The following LRMDA variants were observed in gnomAD, a reference collection of about 807,000 sequenced individuals.
The protein encoded by LRMDA is leucine rich melanocyte differentiation associated, also known as leucine-rich melanocyte differentiation-associated protein.
In LRMDA, 18 loss-of-function variants were observed where a neutral mutation model predicts 29.8. The observed-to-expected ratio is 0.60, with a 90% confidence interval of 0.42 to 0.90. The LOEUF (loss-of-function observed/expected upper bound fraction) is 0.90, where lower values mean the gene tolerates loss of function less well. Among genes scored for constraint, LRMDA ranks in the 40% least tolerant of loss-of-function variants. The probability of loss-of-function intolerance (pLI) is 0.00; values close to 1 mark genes in which losing one functional copy is unlikely to be tolerated. For missense variants in LRMDA, 273 were observed against 273.9 expected, an observed-to-expected ratio of 1.00 and a Z score of 0.02; for synonymous variants, 125 against 109.4, an observed-to-expected ratio of 1.14 and a Z score of -0.89.
At chr10:75,731,576 A>G (rs1842697521) in intron 2 of LRMDA, among the ~76,000 whole-genome samples, 1 of 152,228 alleles carries the variant, frequency 6.6e-6, no homozygotes, top group Non-Finnish European at 1.5e-5. Context: ...TAGTGTTGGC[A>G]AAACCTTGAA....
chr10:76,446,747 T>C (rs1589191073), intron 6 of LRMDA, among the ~76,000 whole-genome samples: 1 of 152,192 alleles, frequency 6.6e-6, no homozygotes, highest in South Asian at 2.1e-4. Context: ...AGGTTGGAGC[T>C]GCCACGTTGC....
intron 5 of LRMDA, among the ~76,000 whole-genome samples, chr10:76,064,552 A>T (rs1217225321): frequency 6.6e-6 from 1 of 152,112 alleles, no homozygotes; most frequent in Non-Finnish European, 1.5e-5. Context: ...GCTACACTTA[A>T]TTGTTTTTTA....
At chr10:75,535,380 CTTAT>C (rs72512546) in intron 2 of LRMDA, among the ~76,000 whole-genome samples, 2,858 of 152,010 alleles carry the variant, frequency 0.019, 89 homozygotes, top group African/African-American at 0.065. Context: ...TTACTTACTT[CTTAT>C]TTATTTATTT....
At chr10:75,468,996 C>T (rs1286453179) in intron 2 of LRMDA, among the ~76,000 whole-genome samples, 1 of 152,048 alleles carries the variant, frequency 6.6e-6, no homozygotes, top group Non-Finnish European at 1.5e-5. Context: ...GACAGAAAAG[C>T]TTTTTTTCAT....
intron 2 of LRMDA, among the ~76,000 whole-genome samples, chr10:75,564,170 T>C (rs914370051): frequency 6.6e-6 from 1 of 152,096 alleles, no homozygotes; most frequent in Non-Finnish European, 1.5e-5. Context: ...TCTACTTGAG[T>C]TGTGGTGGGC....
At position 75,538,258 on chromosome 10, in the gene LRMDA, C is replaced by T. The variant is rs558129941; in HGVS notation, c.131+99764C>T. On this transcript the variant is annotated intron_variant, in intron 2 of 6. Transcript: ENST00000611255. ...CCTAGAAGACCCTAGAAGCTTTGTG[C>T]TGCCCAGGGAGCTTTGCATAACACA... is the stretch of plus-strand genomic sequence containing the variant. 1.7e-3 allele frequency among the ~76,000 whole-genome samples: 259 copies of T among 152,294 alleles called. 1 individual carries two copies. Among genetic ancestry groups the T allele is most frequent in the Non-Finnish European group, 2.8e-3 (190 of 68,018 alleles).
At chr10:75,544,500 G>C (rs558813974) in intron 2 of LRMDA, among the ~76,000 whole-genome samples, 1 of 152,102 alleles carries the variant, frequency 6.6e-6, no homozygotes, top group African/African-American at 2.4e-5. Flanking sequence ...TAGGGTGCTC[G>C]AAAGACAGTT....
intron 2 of LRMDA, among the ~76,000 whole-genome samples, chr10:75,739,892 G>A (rs1249558448): frequency 2.0e-5 from 3 of 152,114 alleles, no homozygotes; most frequent in Admixed American, 6.5e-5. Context: ...TGCAATATGC[G>A]AAATAAAATG....
At chr10:75,599,155 T>G (rs1331405424) in intron 2 of LRMDA, among the ~76,000 whole-genome samples, 1 of 125,238 alleles carries the variant, frequency 8.0e-6, no homozygotes, top group East Asian at 1.9e-4. Context: ...TCACGGCCTC[T>G]GAGCCTCTGA....
At chr10:76,536,433 G>T (rs187373552) in intron 6 of LRMDA, among the ~76,000 whole-genome samples, 64 of 152,210 alleles carry the variant, frequency 4.2e-4, no homozygotes, top group Non-Finnish European at 7.6e-4. Context: ...CATCACTGGG[G>T]TCTCCGGGGG....
chr10:76,006,240 C>A (rs993927290), intron 2 of LRMDA, among the ~76,000 whole-genome samples: 1 of 152,120 alleles, frequency 6.6e-6, no homozygotes, highest in African/African-American at 2.4e-5. Flanking sequence ...GTGAAAGACC[C>A]AAGAGCCCTG....
chr10:76,104,611 G>C (rs1296267350), intron 5 of LRMDA, among the ~76,000 whole-genome samples: 1 of 152,110 alleles, frequency 6.6e-6, no homozygotes, highest in African/African-American at 2.4e-5. Flanking sequence ...GGGTAGCTCT[G>C]GTGCTTCAGT....
intron 5 of LRMDA, among the ~76,000 whole-genome samples, chr10:76,161,058 A>G (rs1850638210): frequency 6.6e-6 from 1 of 152,188 alleles, no homozygotes; most frequent in Non-Finnish European, 1.5e-5. Flanking sequence ...AAGACTAAAA[A>G]ATAAACGAGA....
chr10:76,344,009 A>T (rs1293333360), intron 6 of LRMDA, among the ~76,000 whole-genome samples: 1 of 151,822 alleles, frequency 6.6e-6, no homozygotes, highest in Non-Finnish European at 1.5e-5. Flanking sequence ...TTTAGTAGAG[A>T]TGAGGTTTCA....
At chr10:75,870,164 AT>A (rs1403329214) in intron 2 of LRMDA, among the ~76,000 whole-genome samples, 1 of 152,206 alleles carries the variant, frequency 6.6e-6, no homozygotes, top group Non-Finnish European at 1.5e-5. Flanking sequence ...TTGAAAAAAA[AT>A]AATTCTTGAC....
intron 2 of LRMDA, among the ~76,000 whole-genome samples, chr10:75,965,467 T>C (rs946065269): frequency 6.6e-6 from 1 of 152,200 alleles, no homozygotes; most frequent in African/African-American, 2.4e-5. Flanking sequence ...ATGACTAGTT[T>C]AGAACTGACA....
intron 2 of LRMDA, among the ~76,000 whole-genome samples, chr10:75,720,575 T>G (rs1013117290): frequency 1.3e-5 from 2 of 152,200 alleles, no homozygotes; most frequent in Non-Finnish European, 2.9e-5. Flanking sequence ...GGTTAGTCAG[T>G]GAAATTGTGT....
chr10:75,680,762 C>T (rs1381031672), intron 2 of LRMDA, among the ~76,000 whole-genome samples: 1 of 152,190 alleles, frequency 6.6e-6, no homozygotes, highest in African/African-American at 2.4e-5. Context: ...GTAATCCCAG[C>T]ACTTTGAGAG....
At chr10:75,692,173 G>A (rs1405276251) in intron 2 of LRMDA, among the ~76,000 whole-genome samples, 1 of 143,206 alleles carries the variant, frequency 7.0e-6, no homozygotes, top group African/African-American at 2.6e-5. Context: ...CTGTACTCCA[G>A]CCTGGGCAAC....
Sources: gnomAD v4.1 joint callset for allele counts (sites outside exome capture counted in the v4.1 genomes callset) on GRCh38, gnomAD v4.1.1 for gene constraint, MANE v1.5 for transcripts, NCBI Gene and HGNC (gene_info 2026-07-23, HGNC 2026-07-21) for gene names.